Variants in BRAF observed in about 807,000 individuals in gnomAD.
BRAF encodes the protein B-Raf proto-oncogene, serine/threonine kinase, also known as serine/threonine-protein kinase B-raf.
BRAF carries 16 observed loss-of-function variants against 104.6 expected under a neutral mutation model. That is an observed-to-expected ratio of 0.15 (90% CI 0.10 to 0.23). The LOEUF is 0.23. Ranked by LOEUF, BRAF falls within the 10% of genes least tolerant of loss-of-function variation. BRAF has a pLI of 1.00. For synonymous variants in BRAF, 310 were observed against 341.6 expected, an observed-to-expected ratio of 0.91 and a Z score of 1.02; for missense variants, 541 against 937.3, an observed-to-expected ratio of 0.58 and a Z score of 5.52.
chr7:140,724,750 T>C lies in BRAF; in HGVS notation c.*1744A>G, dbSNP rs1416526555. ...ATTCCTTGATTTATTCTGGGTCTTG[T>C]TTAATTTCTTTCAAGTCCTTGGCTA... is the stretch of plus-strand genomic sequence containing the variant. On this transcript the variant is annotated 3_prime_UTR_variant, in exon 20 of 20. Transcript: ENST00000644969. The C allele has an allele frequency of 2.9e-6, 3 of 1,033,780 alleles. No homozygotes were observed. The highest frequency in any genetic ancestry group is 3.5e-6 in the Non-Finnish European group (3 of 859,312). The allele number at this position is 1,033,780 out of a possible 1,614,324, so 64.0% of individuals were successfully genotyped here.
chr7:140,857,118 T>C (rs1809870849), intron 1 of BRAF, among the ~76,000 whole-genome samples: 2 of 152,144 alleles, frequency 1.3e-5, no homozygotes, highest in South Asian at 2.1e-4. Flanking sequence ...TTATTCTGGA[T>C]ATCTGGGTAA....
At chr7:140,753,548 T>C (rs371056695) in intron 15 of BRAF, 155 bp from the exon 15 acceptor site, 13 of 583,770 alleles carry the variant, frequency 2.2e-5, no homozygotes, top group East Asian at 1.6e-4. Context: ...AGTCAATAAG[T>C]ATGTCTAAAA....
At position 140,924,402 on chromosome 7, in the gene BRAF, G is replaced by A. The variant is rs1310430892; in HGVS notation, c.138+164C>T. Among the ~76,000 whole-genome samples, 3 of 152,244 alleles carry A rather than the reference G, an allele frequency of 2.0e-5. No individual in the cohort carries two copies. The highest frequency in any genetic ancestry group is 4.4e-5 in the Non-Finnish European group (3 of 68,040). On this transcript the variant is annotated intron_variant, in intron 1 of 19. Coordinates refer to ENST00000644969, the MANE Select transcript of BRAF (RefSeq NM_001374258.1). This position sits in a 1 kb window ranked among gnomAD's most constrained non-coding sequence, Gnocchi z 4.2. ...GTGTTTACGTAGGAAGGCGCTGCAT[G>A]ACGGAGAGGGACACGGGGGCGATGC...
intron 19 of BRAF, chr7:140,734,155 T>G: frequency 9.4e-7 from 1 of 1,066,780 alleles, no homozygotes; most frequent in Non-Finnish European, 1.1e-6. Flanking sequence ...CTAAATTAGA[T>G]CTGTTCAGTT....
chr7:140,748,331 T>C (rs1797518338), intron 17 of BRAF, among the ~76,000 whole-genome samples: 1 of 152,150 alleles, frequency 6.6e-6, no homozygotes, highest in Non-Finnish European at 1.5e-5. Context: ...CCTGCACTGT[T>C]TTTAAAAAAA....
intron 3 of BRAF, among the ~76,000 whole-genome samples, chr7:140,814,756 C>CATATATATAATATATAACAT (rs201502228): frequency 7.2e-6 from 1 of 138,492 alleles, no homozygotes; most frequent in African/African-American, 2.8e-5. Flanking sequence ...CAATATATAA[C>CATATATATAATATATAACAT]ATATATATTA....
chr7:140,909,303 T>G (rs921908489), intron 1 of BRAF, among the ~76,000 whole-genome samples: 1 of 152,046 alleles, frequency 6.6e-6, no homozygotes, highest in South Asian at 2.1e-4. Context: ...CACATGCCTG[T>G]AATCCCAGCT....
chr7:140,792,481 A>G (rs2129036379), intron 8 of BRAF, among the ~76,000 whole-genome samples: 1 of 152,294 alleles, frequency 6.6e-6, no homozygotes, highest in East Asian at 1.9e-4. Context: ...TCAACTATTA[A>G]TTACATTCCA....
In BRAF at chr7:140,722,121, A is replaced by G; in HGVS notation, c.*4373T>C. 1 of 1,071,382 alleles carries G rather than the reference A, an allele frequency of 9.3e-7. No individual in the cohort carries two copies. Among genetic ancestry groups the G allele is most frequent in the Non-Finnish European group, 1.1e-6 (1 of 883,740 alleles). 66.4% of individuals were successfully genotyped at this position (1,071,382 alleles called of 1,614,324 possible). Reference sequence around the variant, plus strand: ...TTCCATGCTTTGAAGAGCCTATGGGAGTAGAAAAAGTTTCTCTAGAAATGT... The same window carrying G: ...TTCCATGCTTTGAAGAGCCTATGGGGGTAGAAAAAGTTTCTCTAGAAATGT... On this transcript the variant is annotated 3_prime_UTR_variant, in exon 20 of 20. Transcript: ENST00000644969.
At chr7:140,717,926 G>C (rs927866020), downstream of BRAF, among the ~76,000 whole-genome samples, 8 of 152,042 alleles carry the variant, frequency 5.3e-5, no homozygotes, top group Admixed American at 6.5e-5. Context: ...TTGCTATATT[G>C]CCCTGGCTTG....
chr7:140,837,764 G>T (rs952482917), intron 2 of BRAF, among the ~76,000 whole-genome samples: 1 of 152,108 alleles, frequency 6.6e-6, no homozygotes, highest in African/African-American at 2.4e-5. Context: ...TTCTTCTCTG[G>T]ATCTTAACTT....
At chr7:140,753,004 G>T (rs763376458) in intron 16 of BRAF, among the ~76,000 whole-genome samples, 2 of 149,492 alleles carry the variant, frequency 1.3e-5, no homozygotes, top group African/African-American at 2.5e-5. Context: ...CGTTTTAAGG[G>T]TTCATATTTA....
chr7:140,831,706 AT>A (rs1806772667), intron 3 of BRAF, among the ~76,000 whole-genome samples: 1 of 152,032 alleles, frequency 6.6e-6, no homozygotes, highest in African/African-American at 2.4e-5. Context: ...CCTTTAAAAA[AT>A]TTTTTTTGAA....
rs562271149 is a variant in BRAF at position 140,725,736 on chromosome 7, G to A, written c.*758C>T. The A allele has an allele frequency of 3.8e-6, 4 of 1,060,446 alleles. No homozygotes were observed. In the African/African-American group the frequency reaches 6.6e-5, roughly 17 times the overall value. 65.7% of individuals were successfully genotyped at this position (1,060,446 alleles called of 1,614,324 possible). On this transcript the variant is annotated 3_prime_UTR_variant, in exon 20 of 20. Transcript: ENST00000644969. ...ACCCAAACACTTATCTTCATTGCTGGACCCAATGAGAAAGAAGGCAATGTG... is the reference window on the plus strand; with the variant it reads ...ACCCAAACACTTATCTTCATTGCTGAACCCAATGAGAAAGAAGGCAATGTG...
At chr7:140,831,866 G>A (rs1023026956) in intron 3 of BRAF, among the ~76,000 whole-genome samples, 18 of 152,178 alleles carry the variant, frequency 1.2e-4, no homozygotes, top group African/African-American at 4.1e-4. Context: ...CAAGACCTTC[G>A]ACTAATTACT....
At chr7:140,749,032 C>T (rs960567731) in intron 17 of BRAF, 2 of 441,518 alleles carry the variant, frequency 4.5e-6, no homozygotes, top group Non-Finnish European at 8.3e-6. Flanking sequence ...CAAGAAATAT[C>T]CATTCTTGTA....
At chr7:140,748,783 GA>G (rs1797554353) in intron 17 of BRAF, 1 of 155,886 alleles carries the variant, frequency 6.4e-6, no homozygotes, top group African/African-American at 2.4e-5. Context: ...GGAAGGAAAA[GA>G]AGTAAAAAAT....
intron 3 of BRAF, among the ~76,000 whole-genome samples, chr7:140,824,693 TTAAA>T (rs1805827878): frequency 2.0e-5 from 3 of 151,922 alleles, no homozygotes; most frequent in Admixed American, 6.6e-5. Flanking sequence ...AAAGGTTTCA[TTAAA>T]TAAACTGCCA....
intron 3 of BRAF, among the ~76,000 whole-genome samples, chr7:140,818,178 T>C (rs1054151789): frequency 2.6e-5 from 4 of 152,188 alleles, no homozygotes; most frequent in African/African-American, 9.7e-5. Context: ...GGAATGGGAC[T>C]GGTAGTGGAA....
Sources: allele counts gnomAD v4.1 joint callset (sites outside exome capture counted in the v4.1 genomes callset), GRCh38; gene constraint gnomAD v4.1.1; non-coding constraint Gnocchi (gnomAD v3.1); transcripts MANE v1.5; gene names NCBI Gene and HGNC (gene_info 2026-07-23, HGNC 2026-07-21).